The following KCNQ3 variants were observed in gnomAD, a reference collection of about 807,000 sequenced individuals.
KCNQ3 encodes potassium voltage-gated channel subfamily Q member 3, also known as potassium voltage-gated channel subfamily KQT member 3.
KCNQ3 carries 30 observed loss-of-function variants against 92.5 expected under a neutral mutation model. The ratio of observed to expected loss-of-function variants is 0.32; its 90% CI spans 0.24 to 0.44. The LOEUF (loss-of-function observed/expected upper bound fraction) is 0.44. KCNQ3 is among the 20% of genes least tolerant of loss of function. The pLI, the probability that KCNQ3 is intolerant of heterozygous loss-of-function variation, is 1.00. For synonymous variants in KCNQ3, 450 were observed against 468.8 expected (o/e 0.96, Z 0.52); for missense variants, 913 against 1,140.3 (o/e 0.80, Z 2.87).
At position 132,195,059 on chromosome 8, in the gene KCNQ3, T is replaced by G. The variant is rs552616348; in HGVS notation, c.387-8878A>C. Among the ~76,000 whole-genome samples the G allele has an allele frequency of 2.6e-5, 4 of 152,340 alleles. No individual in the cohort carries two copies. In the East Asian group the frequency reaches 7.7e-4, roughly 29 times the overall value. ...CATCAGGGCAAAAGGCTAAATACCA[T>G]ACACCAGGGTCATTCAGGGAATTAA... On this transcript the variant is annotated intron_variant, in intron 1 of 14. Transcript: ENST00000388996.
At chr8:132,408,010 A>G (rs1402178001) in intron 1 of KCNQ3, among the ~76,000 whole-genome samples, 1 of 152,202 alleles carries the variant, frequency 6.6e-6, no homozygotes, top group East Asian at 1.9e-4. Flanking sequence ...TCAGGAAATG[A>G]GTGAGTGCAT....
At chr8:132,164,316 T>C (rs971471654) in intron 8 of KCNQ3, among the ~76,000 whole-genome samples, 4 of 148,690 alleles carry the variant, frequency 2.7e-5, no homozygotes, top group African/African-American at 7.9e-5. Context: ...GTGGATCACA[T>C]TGTAGTAGAA....
intron 8 of KCNQ3, among the ~76,000 whole-genome samples, chr8:132,169,904 C>T (rs944812153): frequency 2.6e-5 from 4 of 151,992 alleles, no homozygotes; most frequent in Non-Finnish European, 4.4e-5. Context: ...GTCTCACGCT[C>T]ACTGTGTTGC....
At chr8:132,416,228 C>CGGTA (rs1563903184) in intron 1 of KCNQ3, among the ~76,000 whole-genome samples, 1 of 152,210 alleles carries the variant, frequency 6.6e-6, no homozygotes, top group African/African-American at 2.4e-5. Context: ...ATTGCTAAGA[C>CGGTA]GGTATTTCTC....
At chr8:132,222,161 A>G (rs1430431289) in intron 1 of KCNQ3, among the ~76,000 whole-genome samples, 1 of 152,214 alleles carries the variant, frequency 6.6e-6, no homozygotes, top group Non-Finnish European at 1.5e-5. Flanking sequence ...TTTGCAATCT[A>G]TCCATCTGAC....
intron 1 of KCNQ3, among the ~76,000 whole-genome samples, chr8:132,344,041 A>G (rs1241791321): frequency 6.6e-6 from 1 of 152,230 alleles, no homozygotes; most frequent in Non-Finnish European, 1.5e-5. Context: ...CTCTGCATGC[A>G]GGTGCCTTTG....
chr8:132,187,869 G>A lies in KCNQ3; in HGVS notation c.387-1688C>T, dbSNP rs1249512593. Among the ~76,000 whole-genome samples, 163 of 104,776 alleles carry A rather than the reference G, an allele frequency of 1.6e-3. 3 individuals carry two copies. The highest frequency in any genetic ancestry group is 7.2e-3 in the African/African-American group (142 of 19,650). The allele number at this position is 104,776 out of a possible 152,430, so 68.7% of individuals were successfully genotyped here. On this transcript the variant is annotated intron_variant, in intron 1 of 14. Transcript: ENST00000388996. The stretch of plus-strand genomic sequence containing the variant: ...TGGTGGTAGTGATGGTGGTGGTGGT[G>A]GTGATAGTGATGGTGGCGGTGGTGG...
At chr8:132,353,729 G>A (rs777548831) in intron 1 of KCNQ3, among the ~76,000 whole-genome samples, 1 of 152,032 alleles carries the variant, frequency 6.6e-6, no homozygotes, top group Non-Finnish European at 1.5e-5. Flanking sequence ...CAGGAGAATC[G>A]CTTGAGCCTG....
intron 1 of KCNQ3, among the ~76,000 whole-genome samples, chr8:132,287,634 TC>T (rs999620973): frequency 2.6e-5 from 4 of 152,248 alleles, no homozygotes; most frequent in African/African-American, 9.6e-5. Flanking sequence ...ACAATGTGGA[TC>T]AACCTTGAAA....
chr8:132,408,632 G>C (rs1187120171), intron 1 of KCNQ3, among the ~76,000 whole-genome samples: 5 of 152,176 alleles, frequency 3.3e-5, no homozygotes, highest in African/African-American at 9.6e-5. Flanking sequence ...TGCAAATGTA[G>C]TTAAGTTCCC....
At chr8:132,132,036 C>T in intron 14 of KCNQ3, 144 bp downstream of exon 14, 1 of 654,980 alleles carries the variant, frequency 1.5e-6, no homozygotes. Context: ...TGCAGTGAGT[C>T]AAGATCGCGC....
chr8:132,420,567 G>A (rs146388567), intron 1 of KCNQ3, among the ~76,000 whole-genome samples: 326 of 152,292 alleles, frequency 2.1e-3, no homozygotes, highest in Non-Finnish European at 3.5e-3. Context: ...AAAAGATAGA[G>A]ATGAACCAGA....
chr8:132,211,020 G>A (rs1813835702), intron 1 of KCNQ3, among the ~76,000 whole-genome samples: 1 of 152,148 alleles, frequency 6.6e-6, no homozygotes, highest in African/African-American at 2.4e-5. Flanking sequence ...GTCTCCCTCT[G>A]GGCCCCCACA....
chr8:132,330,232 T>C (rs1818189587), intron 1 of KCNQ3, among the ~76,000 whole-genome samples: 1 of 152,150 alleles, frequency 6.6e-6, no homozygotes, highest in Non-Finnish European at 1.5e-5. Flanking sequence ...GAATGGATTG[T>C]CCCATAGAGC....
At position 132,354,367 on chromosome 8, in the gene KCNQ3, C is replaced by T. The variant is rs545191475; in HGVS notation, c.386+125780G>A. Among the ~76,000 whole-genome samples the T allele has an allele frequency of 2.6e-5, 4 of 152,294 alleles. No individual in the cohort carries two copies. The East Asian group carries it at 7.7e-4, about 29-fold the overall frequency. On this transcript the variant is annotated intron_variant, in intron 1 of 14. Transcript: ENST00000388996. ...GAGAACAACGGCCAACGATATCAGA[C>T]AATACATCCATAGGCCAGTTTATCC... is the stretch of plus-strand genomic sequence containing the variant.
At chr8:132,410,855 T>C (rs1820633667) in intron 1 of KCNQ3, among the ~76,000 whole-genome samples, 1 of 152,224 alleles carries the variant, frequency 6.6e-6, no homozygotes, top group South Asian at 2.1e-4. Flanking sequence ...ACTCTGTTGC[T>C]TCTGTTTCAG....
intron 1 of KCNQ3, among the ~76,000 whole-genome samples, chr8:132,311,716 G>A (rs1213672085): frequency 6.6e-6 from 1 of 152,184 alleles, no homozygotes; most frequent in Admixed American, 6.5e-5. Context: ...TAAAGTCAAA[G>A]GAACTGAACT....
chr8:132,183,576 A>G (rs1352790465), intron 3 of KCNQ3, among the ~76,000 whole-genome samples: 1 of 152,182 alleles, frequency 6.6e-6, no homozygotes, highest in Non-Finnish European at 1.5e-5. Context: ...CTGCAACTCC[A>G]TGGATTTTAG....
chr8:132,266,670 A>C (rs1452012649), intron 1 of KCNQ3, among the ~76,000 whole-genome samples: 1 of 152,082 alleles, frequency 6.6e-6, no homozygotes. Context: ...GGGTTTCTCA[A>C]ACCGGAGCTG....
Sources: allele counts gnomAD v4.1 joint callset (sites outside exome capture counted in the v4.1 genomes callset), GRCh38; gene constraint gnomAD v4.1.1; transcripts MANE v1.5; gene names NCBI Gene and HGNC (gene_info 2026-07-23, HGNC 2026-07-21).